The following ASPH variants were observed in gnomAD, a reference collection of about 807,000 sequenced individuals.
ASPH encodes the protein aspartate beta-hydroxylase.
Under a neutral mutation model 118.4 loss-of-function variants are expected in ASPH, and 100 were observed. The observed-to-expected ratio is 0.84, with a 90% CI of 0.72 to 1.00. The LOEUF is 1.00. Among genes scored for constraint, ASPH ranks in the 50% least tolerant of loss-of-function variants. The pLI is 0.00. For synonymous variants in ASPH, 315 were observed against 325.6 expected (o/e 0.97, Z 0.35); for missense variants, 920 against 919.5 (o/e 1.00, Z -0.01).
chr8:61,592,141 T>G (rs1587786407), intron 14 of ASPH, among the ~76,000 whole-genome samples: 1 of 152,188 alleles, frequency 6.6e-6, no homozygotes, highest in Non-Finnish European at 1.5e-5. Flanking sequence ...GCCTTTGTTT[T>G]TTCATCCACG....
chr8:61,633,865 G>C, intron 12 of ASPH, 138 bp from the exon 13 acceptor site: 1 of 595,120 alleles, frequency 1.7e-6, no homozygotes, highest in Non-Finnish European at 2.8e-6. Flanking sequence ...AAAAACATTA[G>C]GCTTCTATAC....
At chr8:61,627,303 C>T (rs1853342069) in intron 13 of ASPH, among the ~76,000 whole-genome samples, 1 of 152,138 alleles carries the variant, frequency 6.6e-6, no homozygotes, top group African/African-American at 2.4e-5. Flanking sequence ...AAACCACAGA[C>T]AAGATGTAGA....
chr8:61,649,166 C>G (rs1240673185), intron 5 of ASPH, among the ~76,000 whole-genome samples: 2 of 152,246 alleles, frequency 1.3e-5, no homozygotes, highest in East Asian at 3.9e-4. Flanking sequence ...CAAGAAGCCA[C>G]GGTCACACCG....
chr8:61,590,937 G>A (rs1840933834), intron 14 of ASPH, among the ~76,000 whole-genome samples: 2 of 151,882 alleles, frequency 1.3e-5, no homozygotes, highest in Non-Finnish European at 2.9e-5. Flanking sequence ...CTCTCCTATG[G>A]TCATATAACA....
At chr8:61,608,436 C>A (rs1846248667) in intron 14 of ASPH, among the ~76,000 whole-genome samples, 1 of 152,284 alleles carries the variant, frequency 6.6e-6, no homozygotes, top group South Asian at 2.1e-4. Flanking sequence ...TTCCTCAGCT[C>A]CTCAGTACAG....
chr8:61,653,760 C>T, intron 3 of ASPH, 100 bp from the exon 4 acceptor site: 2 of 1,184,264 alleles, frequency 1.7e-6, no homozygotes, highest in Non-Finnish European at 2.3e-6. Context: ...ATTAATAGTG[C>T]TGCTAATTAA....
Position 61,646,997 on chromosome 8 carries a change from G to A in ASPH, c.491-119C>T, listed in dbSNP as rs560801392. ...GCTTCCCCTGCCCCTCCTTTCGGCC[G>A]CTGAAGACACCATTGTCCACTCCAC... On this transcript the variant is annotated intron_variant, in intron 5 of 24. Transcript: ENST00000379454. The A allele has an allele frequency of 4.7e-5, 62 of 1,319,176 alleles. 1 individual carries two copies. The African/African-American group carries it at 5.7e-4, about 12-fold the overall frequency. 81.7% of individuals were successfully genotyped at this position (1,319,176 alleles called of 1,614,324 possible).
intron 21 of ASPH, among the ~76,000 whole-genome samples, chr8:61,529,413 A>G (rs1816726383): frequency 6.6e-6 from 1 of 152,182 alleles, no homozygotes; most frequent in Non-Finnish European, 1.5e-5. Context: ...ACAGTTCAAC[A>G]TCTTTGGCAA....
At chr8:61,565,387 A>C (rs1166510316) in intron 17 of ASPH, among the ~76,000 whole-genome samples, 1 of 152,192 alleles carries the variant, frequency 6.6e-6, no homozygotes, top group Non-Finnish European at 1.5e-5. Flanking sequence ...GAAGAAAAGA[A>C]TTTGGTATCA....
Position 61,523,809 on chromosome 8 carries a change from G to GCTTATAC in ASPH, c.1900+2167_1900+2168insGTATAAG, listed in dbSNP as rs1233583153. ...AATTCAGTTTTAAAATTTGAAGCAG[G>GCTTATAC]CTGAGTGGAGTGGCTTATACCTGTA... On this transcript the variant is annotated intron_variant, in intron 22 of 24. Coordinates refer to ENST00000379454, the MANE Select transcript of ASPH (RefSeq NM_004318.4). 2.0e-3 allele frequency among the ~76,000 whole-genome samples: 311 copies of GCTTATAC among 152,284 alleles called. 1 individual carries two copies. The highest frequency in any genetic ancestry group is 6.7e-3 in the African/African-American group (279 of 41,562).
chr8:61,552,944 T>C (rs1486594549), intron 20 of ASPH, 87 bp downstream of exon 20: 1 of 1,151,842 alleles, frequency 8.7e-7, no homozygotes, highest in East Asian at 2.5e-5. Context: ...ACTCAAAATA[T>C]TTTTTGAATT....
chr8:61,657,827 T>C (rs892079235), intron 3 of ASPH: 3 of 152,220 alleles, frequency 2.0e-5, no homozygotes, highest in East Asian at 1.9e-4. Flanking sequence ...ACTTACTTTG[T>C]TTCATACAAT....
At chr8:61,585,029 G>T (rs1486387635) in intron 14 of ASPH, among the ~76,000 whole-genome samples, 1 of 152,208 alleles carries the variant, frequency 6.6e-6, no homozygotes, top group Non-Finnish European at 1.5e-5. Context: ...CCCACTAGGG[G>T]TTTTGTTATA....
intron 21 of ASPH, among the ~76,000 whole-genome samples, chr8:61,528,507 G>A (rs929687630): frequency 6.6e-6 from 1 of 152,086 alleles, no homozygotes; most frequent in Non-Finnish European, 1.5e-5. Context: ...TGCCTTATAA[G>A]GACAACCTAT....
chr8:61,611,688 C>G (rs1457390753), intron 14 of ASPH, among the ~76,000 whole-genome samples: 1 of 152,122 alleles, frequency 6.6e-6, no homozygotes, highest in Non-Finnish European at 1.5e-5. Flanking sequence ...GGGGAAATTC[C>G]AGAAGCAAGT....
chr8:61,645,325 C>A (rs1807384741), intron 6 of ASPH, among the ~76,000 whole-genome samples: 2 of 152,192 alleles, frequency 1.3e-5, no homozygotes, highest in African/African-American at 4.8e-5. Flanking sequence ...CAATCTGTGA[C>A]TCCTAACTTT....
intron 1 of ASPH, among the ~76,000 whole-genome samples, chr8:61,701,552 A>G (rs1835248606): frequency 6.6e-6 from 1 of 152,206 alleles, no homozygotes; most frequent in African/African-American, 2.4e-5. Context: ...TACAAAGCAA[A>G]TATGTGATTG....
chr8:61,605,395 T>C (rs1845263014), intron 14 of ASPH, among the ~76,000 whole-genome samples: 1 of 152,182 alleles, frequency 6.6e-6, no homozygotes, highest in Admixed American at 6.6e-5. Flanking sequence ...AATGGCCATC[T>C]GACCTGCACG....
At chr8:61,538,920 G>A (rs1008499500) in intron 21 of ASPH, among the ~76,000 whole-genome samples, 6 of 152,240 alleles carry the variant, frequency 3.9e-5, no homozygotes, top group African/African-American at 1.4e-4. Context: ...TGAATGCAGA[G>A]TTAGACAGCA....
Sources: gnomAD v4.1 joint callset for allele counts (sites outside exome capture counted in the v4.1 genomes callset) on GRCh38, gnomAD v4.1.1 for gene constraint, MANE v1.5 for transcripts, NCBI Gene and HGNC (gene_info 2026-07-23, HGNC 2026-07-21) for gene names.